Variants in KCNH1 observed in about 807,000 individuals in gnomAD.
KCNH1 encodes the protein voltage-gated delayed rectifier potassium channel KCNH1.
A neutral mutation model predicts 69.2 loss-of-function variants in KCNH1; 27 were observed. The observed-to-expected ratio is 0.39, with a 90% CI of 0.29 to 0.54. The LOEUF (loss-of-function observed/expected upper bound fraction) is 0.54. KCNH1 is among the 20% of genes least tolerant of loss of function. The pLI is 0.68. For missense variants in KCNH1, 798 were observed against 1,261.6 expected (o/e 0.63, Z 5.57); for synonymous variants, 456 against 487.7 (o/e 0.93, Z 0.86).
At chr1:210,691,183 T>G (rs1681520276) in intron 10 of KCNH1, among the ~76,000 whole-genome samples, 2 of 152,164 alleles carry the variant, frequency 1.3e-5, no homozygotes, top group African/African-American at 4.8e-5. Flanking sequence ...TCTAGAAGGA[T>G]GAGCTAGAAT....
At chr1:210,920,554 T>A (rs1238317159) in intron 6 of KCNH1, among the ~76,000 whole-genome samples, 1 of 152,154 alleles carries the variant, frequency 6.6e-6, no homozygotes, top group East Asian at 1.9e-4. Context: ...ACCAAAATAT[T>A]AATAGAGGTT....
chr1:210,763,840 A>AT (rs541160925), intron 10 of KCNH1, among the ~76,000 whole-genome samples: 255 of 152,178 alleles, frequency 1.7e-3, no homozygotes, highest in Non-Finnish European at 2.7e-3. Flanking sequence ...TACCAATGTC[A>AT]TTTTTTTCAC....
At chr1:210,864,010 C>T (rs970837557) in intron 7 of KCNH1, among the ~76,000 whole-genome samples, 1 of 152,224 alleles carries the variant, frequency 6.6e-6, no homozygotes, top group Non-Finnish European at 1.5e-5. Flanking sequence ...CAGGTGCCAA[C>T]TGGATCAGTG....
chr1:211,134,037 C>A lies in KCNH1; in HGVS notation c.-92G>T. 1 of 1,114,034 alleles carries A rather than the reference C, an allele frequency of 9.0e-7. No individual in the cohort carries two copies. 69.0% of individuals were successfully genotyped at this position (1,114,034 alleles called of 1,614,324 possible). ...TCGGGGCCCGCACGCAGTCCCGGCT[C>A]GAAGCGCCCCATGCGCCCGGCGGGG... On this transcript the variant is annotated 5_prime_UTR_variant, in exon 1 of 11. The change creates a premature stop within an existing upstream ORF in the 5' untranslated region. Coordinates refer to ENST00000271751, the MANE Select transcript of KCNH1 (RefSeq NM_172362.3). This position sits in a 1 kb window ranked among gnomAD's most constrained non-coding sequence, Gnocchi z 5.7.
intron 9 of KCNH1, among the ~76,000 whole-genome samples, chr1:210,785,298 T>C (rs1684073202): frequency 6.6e-6 from 1 of 152,202 alleles, no homozygotes; most frequent in South Asian, 2.1e-4. Flanking sequence ...AAAAGTTGGA[T>C]GGTTGGGAAG....
intron 5 of KCNH1, among the ~76,000 whole-genome samples, chr1:211,069,313 A>G (rs1690591756): frequency 1.6e-5 from 2 of 127,110 alleles, no homozygotes; most frequent in African/African-American, 3.0e-5. Flanking sequence ...ACATTACTAA[A>G]TGCCCTATTT....
At chr1:210,768,869 T>C (rs1169892646) in intron 10 of KCNH1, among the ~76,000 whole-genome samples, 2 of 152,170 alleles carry the variant, frequency 1.3e-5, no homozygotes, top group African/African-American at 2.4e-5. Context: ...GGGGAACACC[T>C]GAGGACCCAT....
At chr1:211,038,728 T>C (rs2102429718) in intron 5 of KCNH1, among the ~76,000 whole-genome samples, 1 of 152,306 alleles carries the variant, frequency 6.6e-6, no homozygotes, top group East Asian at 1.9e-4. Flanking sequence ...CCCTAGTGAT[T>C]TGTGGAACTT....
chr1:210,793,612 A>G (rs1383236552), intron 9 of KCNH1, among the ~76,000 whole-genome samples: 1 of 152,238 alleles, frequency 6.6e-6, no homozygotes, highest in African/African-American at 2.4e-5. Context: ...CTAAAATTAA[A>G]CAGAGAATGT....
intron 6 of KCNH1, among the ~76,000 whole-genome samples, chr1:210,927,026 A>C (rs1687587725): frequency 6.6e-6 from 1 of 152,214 alleles, no homozygotes; most frequent in Non-Finnish European, 1.5e-5. Context: ...CAAAGAAAAA[A>C]GAATTTTAAA....
Position 210,976,757 on chromosome 1 carries a change from T to C in KCNH1, c.1032+42026A>G, listed in dbSNP as rs1383273190. 2.0e-5 allele frequency among the ~76,000 whole-genome samples: 3 copies of C among 149,258 alleles called. 1 individual carries two copies. Among genetic ancestry groups the C allele is most frequent in the Non-Finnish European group, 3.0e-5 (2 of 67,256 alleles). On this transcript the variant is annotated intron_variant, in intron 6 of 10. Coordinates refer to ENST00000271751, the MANE Select transcript of KCNH1 (RefSeq NM_172362.3). Reference sequence around the variant, plus strand: ...AGAATACGTGGCACATACAATGAGATACCATCTCACACCAGTTAGAATGGG... The same window carrying C: ...AGAATACGTGGCACATACAATGAGACACCATCTCACACCAGTTAGAATGGG...
chr1:211,037,161 C>G (rs2102428440), intron 5 of KCNH1, among the ~76,000 whole-genome samples: 1 of 152,252 alleles, frequency 6.6e-6, no homozygotes, highest in East Asian at 1.9e-4. Flanking sequence ...TGAGGGAGTT[C>G]TACAGATGGG....
rs1215676133 is a variant in KCNH1 at position 211,133,857 on chromosome 1, C to T, written c.79+10G>A. The T allele has an allele frequency of 1.2e-6, 2 of 1,605,222 alleles. 1 individual carries two copies. The highest frequency in any genetic ancestry group is 3.4e-5 in the Admixed American group (2 of 58,952). ...CGCCCGGGTAATCGAAATCCGAATG[C>T]ACCTCTTACCATTGGACCGCCGAAC... is the stretch of plus-strand genomic sequence containing the variant. On this transcript the variant is annotated intron_variant, in intron 1 of 10. Coordinates refer to ENST00000271751, the MANE Select transcript of KCNH1 (RefSeq NM_172362.3). The surrounding 1 kb of genome is among the most constrained non-coding windows in gnomAD (Gnocchi z 5.4).
intron 10 of KCNH1, among the ~76,000 whole-genome samples, chr1:210,697,418 C>T (rs1475339462): frequency 6.6e-6 from 1 of 152,232 alleles, no homozygotes; most frequent in African/African-American, 2.4e-5. Context: ...GGACTGGGCT[C>T]CAGGCCTGGG....
chr1:211,029,161 C>G (rs1689736167), intron 5 of KCNH1, among the ~76,000 whole-genome samples: 1 of 122,390 alleles, frequency 8.2e-6, no homozygotes, highest in African/African-American at 3.2e-5. Context: ...GAGACCCCAT[C>G]TCTACAAAAA....
At chr1:211,128,282 CAAAA>C (rs374161835) in intron 1 of KCNH1, among the ~76,000 whole-genome samples, 4 of 54,850 alleles carry the variant, frequency 7.3e-5, no homozygotes, top group Admixed American at 2.1e-4. Flanking sequence ...GATTCTGTCT[CAAAA>C]AAAAAAAAAA....
chr1:210,941,613 C>T (rs549749582), intron 6 of KCNH1, among the ~76,000 whole-genome samples: 37 of 152,224 alleles, frequency 2.4e-4, no homozygotes, highest in African/African-American at 8.9e-4. Context: ...GCAGAGCACC[C>T]TCAGAAAAAG....
chr1:210,965,424 T>C (rs35952507), intron 6 of KCNH1, among the ~76,000 whole-genome samples: 1,886 of 152,194 alleles, frequency 0.012, 44 homozygotes, highest in African/African-American at 0.043. Context: ...AAAATCAGTG[T>C]GCAAAAATCA....
intron 6 of KCNH1, among the ~76,000 whole-genome samples, chr1:211,008,133 G>A (rs1201068543): frequency 1.3e-5 from 2 of 152,068 alleles, no homozygotes; most frequent in Non-Finnish European, 2.9e-5. Flanking sequence ...ATTCATAATC[G>A]CCAAAAGTAG....
Sources: allele counts gnomAD v4.1 joint callset (sites outside exome capture counted in the v4.1 genomes callset), GRCh38; gene constraint gnomAD v4.1.1; non-coding constraint Gnocchi (gnomAD v3.1); transcripts MANE v1.5; gene names NCBI Gene and HGNC (gene_info 2026-07-23, HGNC 2026-07-21).